KRAS: variants seen among roughly 807,000 people sequenced by gnomAD.
KRAS encodes the protein GTPase KRas.
In KRAS, 1 loss-of-function variant was observed where a neutral mutation model predicts 21.0. That is an observed-to-expected ratio of 0.05 (90% CI 0.02 to 0.23). KRAS has a LOEUF of 0.23. Ranked by LOEUF, KRAS falls within the 10% of genes least tolerant of loss-of-function variation. The pLI is 1.00. For synonymous variants in KRAS, 67 were observed against 72.5 expected (o/e 0.92, Z 0.39); for missense variants, 107 against 221.8 (o/e 0.48, Z 3.29).
In KRAS at chr12:25,206,875, G is replaced by C. The variant is rs1210871430; in HGVS notation, c.*2920C>G. The C allele has an allele frequency of 5.0e-6, 1 of 200,690 alleles. No individual in the cohort carries two copies. Among genetic ancestry groups the C allele is most frequent in the Non-Finnish European group, 1.0e-5 (1 of 97,572 alleles). 12.4% of individuals were successfully genotyped at this position (200,690 alleles called of 1,614,324 possible). ...CACATTTGGGTCAATATGAATATCT[G>C]ACATACACCTTAATGTGTACAGTAA... On this transcript the variant is annotated 3_prime_UTR_variant, in exon 5 of 5. Transcript: ENST00000311936.
rs1328345913 is a variant in KRAS at position 25,206,893 on chromosome 12, T to C, written c.*2902A>G. ...AATATCTGACATACACCTTAATGTG[T>C]ACAGTAATTGTCCTAAAAGAATCAC... On this transcript the variant is annotated 3_prime_UTR_variant, in exon 5 of 5. Transcript: ENST00000311936. The C allele has an allele frequency of 4.0e-5, 8 of 201,728 alleles. No homozygotes were observed. The highest frequency in any genetic ancestry group is 7.1e-5 in the Non-Finnish European group (7 of 98,172). The allele number at this position is 201,728 out of a possible 1,614,324, so 12.5% of individuals were successfully genotyped here.
chr12:25,247,592 C>A (rs1178865676), intron 1 of KRAS, among the ~76,000 whole-genome samples: 2 of 152,212 alleles, frequency 1.3e-5, no homozygotes, highest in African/African-American at 4.8e-5. Flanking sequence ...CTCCCCCCAA[C>A]CAGTTTGCAT....
chr12:25,245,125 A>G (rs773140411), intron 2 of KRAS, 149 bp downstream of exon 2: 34 of 842,794 alleles, frequency 4.0e-5, no homozygotes, highest in Non-Finnish European at 5.3e-5. Context: ...ATGGTTACAT[A>G]TAACTTGAAA....
At chr12:25,250,599 C>A (rs1951755101) in intron 1 of KRAS, among the ~76,000 whole-genome samples, 152 bp downstream of exon 1, 1 of 151,566 alleles carries the variant, frequency 6.6e-6, no homozygotes, top group Non-Finnish European at 1.5e-5. Flanking sequence ...CTGCAGACCC[C>A]TCTCACCCAG....
chr12:25,214,106 G>A (rs991912708), intron 4 of KRAS, among the ~76,000 whole-genome samples: 2 of 152,200 alleles, frequency 1.3e-5, no homozygotes, highest in African/African-American at 2.4e-5. Flanking sequence ...CCTAGTCTAA[G>A]GGTTTAAAGA....
intron 1 of KRAS, among the ~76,000 whole-genome samples, chr12:25,249,936 T>C (rs745881732): frequency 4.5e-4 from 68 of 152,286 alleles, no homozygotes; most frequent in Non-Finnish European, 7.8e-4. Context: ...AAACAGACCA[T>C]CTGGGATTAA....
intron 4 of KRAS, among the ~76,000 whole-genome samples, chr12:25,219,870 C>T (rs1284422425): frequency 6.6e-6 from 1 of 152,180 alleles, no homozygotes; most frequent in Non-Finnish European, 1.5e-5. Flanking sequence ...AGACATAGCA[C>T]ATAAGGAGGT....
At position 25,207,123 on chromosome 12, in the gene KRAS, A is replaced by G. The variant is rs1226510727; in HGVS notation, c.*2672T>C. 2 of 213,162 alleles carry G rather than the reference A, an allele frequency of 9.4e-6. No individual in the cohort carries two copies. Among genetic ancestry groups the G allele is most frequent in the East Asian group, 1.4e-4 (2 of 14,284 alleles). The allele number at this position is 213,162 out of a possible 1,614,324, so 13.2% of individuals were successfully genotyped here. A position where few individuals can be genotyped will look rare whatever the true frequency, so the allele number is the denominator to read the frequency against. On this transcript the variant is annotated 3_prime_UTR_variant, in exon 5 of 5. Transcript: ENST00000311936. ...GTCGTATACCAAAGGCCTTAGTAAG[A>G]TATTACAGACCACACTAGCACTACC...
intron 4 of KRAS, chr12:25,215,246 A>T: frequency 1.3e-6 from 1 of 750,142 alleles, no homozygotes; most frequent in Non-Finnish European, 1.6e-6. Flanking sequence ...TACAGCCATC[A>T]AAATTGTCTC....
chr12:25,235,693 G>A (rs947541473), intron 2 of KRAS, among the ~76,000 whole-genome samples: 1 of 152,132 alleles, frequency 6.6e-6, no homozygotes, highest in Non-Finnish European at 1.5e-5. Context: ...AAGCAGGAAG[G>A]AGCAAACAGA....
intron 4 of KRAS, among the ~76,000 whole-genome samples, chr12:25,212,146 T>C (rs1468878098): frequency 1.3e-5 from 2 of 152,188 alleles, no homozygotes; most frequent in African/African-American, 2.4e-5. Flanking sequence ...TAGAATGTGA[T>C]AGAATCTTAA....
intron 2 of KRAS, chr12:25,234,166 T>C (rs935833632): frequency 1.2e-5 from 2 of 170,128 alleles, no homozygotes; most frequent in African/African-American, 4.8e-5. Context: ...ATTTAATAAA[T>C]TTTACCTTCA....
chr12:25,245,214 C>T lies in KRAS; in HGVS notation c.111+60G>A, dbSNP rs1951662429. 5 of 1,522,930 alleles carry T rather than the reference C, an allele frequency of 3.3e-6. No individual in the cohort carries two copies. The African/African-American group carries it at 4.1e-5, about 13-fold the overall frequency. 94.3% of individuals were successfully genotyped at this position (1,522,930 alleles called of 1,614,324 possible). On this transcript the variant is annotated intron_variant, in intron 2 of 4. Transcript: ENST00000311936. ...TACTCATGAAAATGGTCAGAGAAAC[C>T]TTTATCTGTATCAAAGAATGGTCCT... is the stretch of plus-strand genomic sequence containing the variant.
At chr12:25,236,927 A>C (rs1951551831) in intron 2 of KRAS, among the ~76,000 whole-genome samples, 1 of 152,250 alleles carries the variant, frequency 6.6e-6, no homozygotes, top group African/African-American at 2.4e-5. Flanking sequence ...ATATGGTCAC[A>C]CAAAAACGTG....
intron 1 of KRAS, among the ~76,000 whole-genome samples, chr12:25,246,273 G>A (rs1392725321): frequency 1.3e-5 from 2 of 151,558 alleles, no homozygotes; most frequent in African/African-American, 4.8e-5. Flanking sequence ...ATAAAGATTA[G>A]AAAGCCGGGT....
intron 4 of KRAS, among the ~76,000 whole-genome samples, chr12:25,219,669 T>TC (rs1163826860): frequency 6.6e-6 from 1 of 152,194 alleles, no homozygotes; most frequent in African/African-American, 2.4e-5. Flanking sequence ...TGTGCATCCC[T>TC]CACTTTCTCA....
intron 2 of KRAS, among the ~76,000 whole-genome samples, chr12:25,239,940 G>A (rs941427993): frequency 1.3e-5 from 2 of 151,418 alleles, no homozygotes; most frequent in African/African-American, 4.9e-5. Flanking sequence ...GCAACAGAGC[G>A]AGACTCCATC....
At chr12:25,247,399 C>A (rs1345266662) in intron 1 of KRAS, among the ~76,000 whole-genome samples, 2 of 152,198 alleles carry the variant, frequency 1.3e-5, no homozygotes, top group African/African-American at 4.8e-5. Flanking sequence ...CATAGTTCCC[C>A]GCCTTACTCT....
At chr12:25,231,750 A>G (rs1439772040) in intron 2 of KRAS, among the ~76,000 whole-genome samples, 1 of 152,212 alleles carries the variant, frequency 6.6e-6, no homozygotes, top group Non-Finnish European at 1.5e-5. Flanking sequence ...AAAATTCAGT[A>G]TTTTTAGAGT....
Sources: allele counts gnomAD v4.1 joint callset (sites outside exome capture counted in the v4.1 genomes callset), GRCh38; gene constraint gnomAD v4.1.1; transcripts MANE v1.5; gene names NCBI Gene and HGNC (gene_info 2026-07-23, HGNC 2026-07-21).